Variants in UGGT1 observed in about 807,000 individuals in gnomAD.
UGGT1 encodes UDP-glucose glycoprotein glucosyltransferase 1.
Under a neutral mutation model 203.9 loss-of-function variants are expected in UGGT1, and 107 were observed. The observed-to-expected ratio is 0.52, with a 90% CI of 0.45 to 0.62. The LOEUF is 0.62. UGGT1 is among the 20% of genes least tolerant of loss of function. The pLI is 0.00. For missense variants in UGGT1, 1,673 were observed against 1,867.2 expected, an observed-to-expected ratio of 0.90 and a Z score of 1.92; for synonymous variants, 628 against 653.5, an observed-to-expected ratio of 0.96 and a Z score of 0.59.
At position 128,115,071 on chromosome 2, in the gene UGGT1, T is replaced by G. The variant is rs1573515963; in HGVS notation, c.697-53T>G. 5 of 1,527,606 alleles carry G rather than the reference T, an allele frequency of 3.3e-6. No homozygotes were observed. In the East Asian group the frequency reaches 9.0e-5, roughly 28 times the overall value. The allele number at this position is 1,527,606 out of a possible 1,614,324, so 94.6% of individuals were successfully genotyped here. ...ATTAACATGGTCATGCCATGTACAC[T>G]GTGACATAGAAAGAGCTAGGTGGTA... On this transcript the variant is annotated intron_variant, in intron 6 of 40. Transcript: ENST00000259253.
intron 38 of UGGT1, 122 bp from the exon 39 acceptor site, chr2:128,186,561 C>G (rs933539441): frequency 7.7e-6 from 5 of 649,834 alleles, no homozygotes; most frequent in African/African-American, 7.5e-5. Flanking sequence ...GAGCCGAGAT[C>G]GTACTACTGC....
Position 128,173,824 on chromosome 2 carries a change from T to TA in UGGT1, c.3339dup (p.Leu1114ThrfsTer55). ...GCTGAGTATGAGCTGGAATACCTGT[T>TA]ACTGGAAGGTCATTGCTACGACATC... On this transcript the variant is annotated frameshift_variant, in exon 30 of 41. Coordinates refer to ENST00000259253, the MANE Select transcript of UGGT1 (RefSeq NM_020120.4). LOFTEE classifies it high-confidence loss of function. 7 of 1,614,178 alleles carry TA rather than the reference T, an allele frequency of 4.3e-6. No individual in the cohort carries two copies. Among genetic ancestry groups the TA allele is most frequent in the Non-Finnish European group, 5.9e-6 (7 of 1,180,018 alleles).
intron 1 of UGGT1, among the ~76,000 whole-genome samples, chr2:128,093,392 G>A (rs759316521): frequency 3.9e-4 from 60 of 152,092 alleles, no homozygotes; most frequent in Non-Finnish European, 3.8e-4. Flanking sequence ...AGCCTTCTAT[G>A]TTTCAGGCAT....
At position 128,189,822 on chromosome 2, in the gene UGGT1, A is replaced by G. The variant is rs376225973; in HGVS notation, c.*80A>G. On this transcript the variant is annotated 3_prime_UTR_variant, in exon 41 of 41. Transcript: ENST00000259253. Reference sequence around the variant, plus strand: ...TGCTAGTTTTTTCTGATCTGTCTATACAACTGCTGATAAGCCGGCTGGGCA... The same window carrying G: ...TGCTAGTTTTTTCTGATCTGTCTATGCAACTGCTGATAAGCCGGCTGGGCA... The G allele has an allele frequency of 1.3e-6, 2 of 1,524,614 alleles. No individual in the cohort carries two copies. The highest frequency in any genetic ancestry group is 1.2e-5 in the South Asian group (1 of 85,124). The allele number at this position is 1,524,614 out of a possible 1,614,324, so 94.4% of individuals were successfully genotyped here.
chr2:128,095,309 A>G (rs894983838), intron 1 of UGGT1, among the ~76,000 whole-genome samples: 1 of 151,988 alleles, frequency 6.6e-6, no homozygotes, highest in African/African-American at 2.4e-5. Flanking sequence ...TTTGAAAAAC[A>G]CTTCTGAGTG....
rs371400841 is a variant in UGGT1 at position 128,179,912 on chromosome 2, A to G, written c.3900+42A>G. Reference sequence around the variant, plus strand: ...AAGGGAAAACATTCTTATTAAGGAGATATTTACTGTATATTTTTCATGACT... The same window carrying G: ...AAGGGAAAACATTCTTATTAAGGAGGTATTTACTGTATATTTTTCATGACT... On this transcript the variant is annotated intron_variant, in intron 35 of 40. Transcript: ENST00000259253. 3.2e-6 allele frequency: 5 copies of G among 1,547,946 alleles called. No homozygotes were observed. The African/African-American group carries it at 4.1e-5, about 13-fold the overall frequency.
intron 38 of UGGT1, among the ~76,000 whole-genome samples, chr2:128,184,535 A>G (rs767549881): frequency 8.5e-5 from 13 of 152,160 alleles, no homozygotes; most frequent in Admixed American, 5.9e-4. Flanking sequence ...CCCTAACAAA[A>G]GTGTCTAGCA....
chr2:128,173,277 C>T (rs937838250), intron 29 of UGGT1, among the ~76,000 whole-genome samples: 3 of 152,178 alleles, frequency 2.0e-5, no homozygotes, highest in Admixed American at 6.5e-5. Flanking sequence ...TATCCTTTCA[C>T]GAATGGACAT....
chr2:128,135,069 C>A, intron 15 of UGGT1, 108 bp downstream of exon 15: 1 of 913,946 alleles, frequency 1.1e-6, no homozygotes, highest in Non-Finnish European at 1.7e-6. Flanking sequence ...TAATAGTGCA[C>A]ATCACTAATG....
At position 128,180,304 on chromosome 2, in the gene UGGT1, A is replaced by G. The variant is rs116485076; in HGVS notation, c.3900+434A>G. Among the ~76,000 whole-genome samples the G allele has an allele frequency of 4.4e-3, 672 of 152,348 alleles. 2 individuals carry two copies. Among genetic ancestry groups the G allele is most frequent in the African/African-American group, 0.015 (638 of 41,584 alleles). On this transcript the variant is annotated intron_variant, in intron 35 of 40. Coordinates refer to ENST00000259253, the MANE Select transcript of UGGT1 (RefSeq NM_020120.4). Reference sequence around the variant, plus strand: ...TTGGAATGTTTTCTGCATTACTTATATCAGTCAGTATTTGTCATCTAAGTT... The same window carrying G: ...TTGGAATGTTTTCTGCATTACTTATGTCAGTCAGTATTTGTCATCTAAGTT...
At chr2:128,186,568 C>T (rs1691992177) in intron 38 of UGGT1, 115 bp from the exon 39 acceptor site, 3 of 750,730 alleles carry the variant, frequency 4.0e-6, no homozygotes, top group African/African-American at 1.8e-5. Flanking sequence ...GATCGTACTA[C>T]TGCACTCCAA....
At chr2:128,096,846 A>G (rs879719148) in intron 1 of UGGT1, among the ~76,000 whole-genome samples, 1 of 152,180 alleles carries the variant, frequency 6.6e-6, no homozygotes, top group Non-Finnish European at 1.5e-5. Context: ...ACTGATTTTT[A>G]TACCCCTGTA....
At position 128,123,488 on chromosome 2, in the gene UGGT1, G is replaced by A. The variant is rs368826465; in HGVS notation, c.1134+242G>A. ...CAGCACCCCTAACATGTCTCACCCC[G>A]TTCCTGAAGACATTCACTTTCGACA... On this transcript the variant is annotated intron_variant, in intron 11 of 40. Coordinates refer to ENST00000259253, the MANE Select transcript of UGGT1 (RefSeq NM_020120.4). Among the ~76,000 whole-genome samples the A allele has an allele frequency of 2.0e-5, 3 of 152,146 alleles. No individual in the cohort carries two copies. The South Asian group carries it at 6.2e-4, about 32-fold the overall frequency.
chr2:128,119,775 G>A (rs1445131022), intron 8 of UGGT1, among the ~76,000 whole-genome samples: 3 of 151,068 alleles, frequency 2.0e-5, no homozygotes, highest in African/African-American at 7.3e-5. Flanking sequence ...GATTGCTGTT[G>A]TCATACTTGC....
At chr2:128,176,182 G>A (rs1359299516) in intron 31 of UGGT1, among the ~76,000 whole-genome samples, 1 of 152,144 alleles carries the variant, frequency 6.6e-6, no homozygotes, top group Non-Finnish European at 1.5e-5. Flanking sequence ...GGGAGGCCGA[G>A]GAGGGTGGAT....
chr2:128,140,738 G>A (rs1390334114), intron 16 of UGGT1, among the ~76,000 whole-genome samples: 2 of 152,042 alleles, frequency 1.3e-5, no homozygotes, highest in South Asian at 2.1e-4. Flanking sequence ...TTGCAGCAGC[G>A]CAGTCAGGGT....
intron 8 of UGGT1, among the ~76,000 whole-genome samples, chr2:128,117,152 C>T (rs1227915228): frequency 6.6e-6 from 1 of 151,918 alleles, no homozygotes; most frequent in Non-Finnish European, 1.5e-5. Context: ...TGCAGTGGTG[C>T]AATCTCAGTT....
At chr2:128,151,216 T>C in intron 18 of UGGT1, 1 of 578,290 alleles carries the variant, frequency 1.7e-6, no homozygotes, top group East Asian at 3.2e-5. Context: ...TAGCTCCTAT[T>C]TTTGTTTCTT....
intron 9 of UGGT1, among the ~76,000 whole-genome samples, chr2:128,120,988 G>C (rs371145418): frequency 2.6e-5 from 4 of 152,170 alleles, no homozygotes; most frequent in African/African-American, 9.6e-5. Flanking sequence ...AGTGTTTTCT[G>C]CAGATATATC....
Sources: allele counts gnomAD v4.1 joint callset (sites outside exome capture counted in the v4.1 genomes callset), GRCh38; gene constraint gnomAD v4.1.1; transcripts MANE v1.5; gene names NCBI Gene and HGNC (gene_info 2026-07-23, HGNC 2026-07-21).